The following HAUS1 variants were observed in gnomAD, a reference collection of about 807,000 sequenced individuals.
The protein encoded by HAUS1 is HAUS augmin like complex subunit 1.
HAUS1 carries 25 observed loss-of-function variants against 38.6 expected under a neutral mutation model. The observed-to-expected ratio is 0.65, with a 90% CI of 0.47 to 0.91. HAUS1 has a LOEUF of 0.91. Ranked by LOEUF, HAUS1 falls within the 40% of genes least tolerant of loss-of-function variation. The pLI is 0.00. For synonymous variants in HAUS1, 109 were observed against 112.9 expected (o/e 0.97, Z 0.22); for missense variants, 325 against 328.4 (o/e 0.99, Z 0.08).
intron 2 of HAUS1, among the ~76,000 whole-genome samples, chr18:46,116,093 G>A (rs145375752): frequency 0.011 from 1,722 of 151,286 alleles, 37 homozygotes; most frequent in African/African-American, 0.04. Context: ...GCAACAGAGC[G>A]AGACTGTCTC....
At chr18:46,110,930 G>A (rs1268813280) in intron 2 of HAUS1, among the ~76,000 whole-genome samples, 1 of 142,320 alleles carries the variant, frequency 7.0e-6, no homozygotes, top group African/African-American at 2.6e-5. Context: ...AGGCTGGAGT[G>A]CAGTGGCGCA....
At chr18:46,118,091 A>T in intron 2 of HAUS1, 90 bp from the exon 3 acceptor site, 1 of 1,249,768 alleles carries the variant, frequency 8.0e-7, no homozygotes, top group South Asian at 1.3e-5. Context: ...AGGTGGGTGG[A>T]TTATATGCTA....
chr18:46,123,270 A>G, intron 5 of HAUS1, 29 bp from the exon 6 acceptor site: 1 of 1,495,530 alleles, frequency 6.7e-7, no homozygotes, highest in Non-Finnish European at 9.2e-7. Context: ...ATAATTTTTT[A>G]ACTGAACTCC....
intron 4 of HAUS1, among the ~76,000 whole-genome samples, chr18:46,120,425 G>T (rs1194285080): frequency 2.4e-4 from 37 of 151,700 alleles, no homozygotes; most frequent in Non-Finnish European, 2.9e-5. Flanking sequence ...GTAGAGACGG[G>T]GTTTCTCCAT....
In HAUS1 at chr18:46,122,576, A is replaced by G; in HGVS notation, c.586A>G (p.Ile196Val). 1 of 1,614,154 alleles carries G rather than the reference A, an allele frequency of 6.2e-7. No homozygotes were observed. The highest frequency in any genetic ancestry group is 8.5e-7 in the Non-Finnish European group (1 of 1,180,006). ...KAKSEEFRFG[I>V]KAAEEQLSAR... ...AAAGTCAGAGGAATTCAGATTTGGA[A>G]TCAAGGCTGCAGAGGTTTGTATGAA... The change falls in exon 5 of 9, where the codon ATC becomes GTC. Residue 196 changes from isoleucine to valine, a missense_variant. By Grantham distance (29) the Ile-to-Val change is conservative. Transcript: ENST00000282058.
In HAUS1 at chr18:46,116,095, G is replaced by A. The variant is rs534539148; in HGVS notation, c.206-2086G>A. Reference sequence around the variant, plus strand: ...CACTCCAGCCTGAGCAACAGAGCGAGACTGTCTCAGAAAAAGGGAAGGGAA... The same window carrying A: ...CACTCCAGCCTGAGCAACAGAGCGAAACTGTCTCAGAAAAAGGGAAGGGAA... On this transcript the variant is annotated intron_variant, in intron 2 of 8. Coordinates refer to ENST00000282058, the MANE Select transcript of HAUS1 (RefSeq NM_138443.4). Among the ~76,000 whole-genome samples the A allele has an allele frequency of 3.3e-5, 5 of 150,950 alleles. No homozygotes were observed. In the East Asian group the frequency reaches 9.8e-4, roughly 29 times the overall value.
intron 7 of HAUS1, among the ~76,000 whole-genome samples, 190 bp from the exon 8 acceptor site, chr18:46,125,554 A>G (rs1912078641): frequency 6.6e-6 from 1 of 151,872 alleles, no homozygotes; most frequent in African/African-American, 2.4e-5. Context: ...CTCAAAAAAA[A>G]AAAAAAAAGA....
chr18:46,122,736 A>G, intron 5 of HAUS1, 146 bp downstream of exon 5: 1 of 834,676 alleles, frequency 1.2e-6, no homozygotes, highest in Non-Finnish European at 1.9e-6. Flanking sequence ...TAGCTATTAC[A>G]GTAAGCAGAT....
Position 46,118,243 on chromosome 18 carries a change from A to G in HAUS1, c.268A>G (p.Thr90Ala). The G allele has an allele frequency of 6.2e-7, 1 of 1,612,604 alleles. No individual in the cohort carries two copies. The highest frequency in any genetic ancestry group is 1.1e-5 in the South Asian group (1 of 91,026). Residue 90 changes from threonine (T) to alanine (A), a missense_variant, in exon 3 of 9, where the codon ACT becomes GCT. By Grantham distance (58) the Thr-to-Ala change is moderately conservative. Transcript: ENST00000282058. ...TTTTTCCCCCGCCAATCTCTCTAGC[A>G]CTGGTTCCAGGTATCTGAATGCTTT... ...VNFSPANLSS[T>A]GSRYLNALVD...
At chr18:46,107,516 A>G (rs1281679630) in intron 2 of HAUS1, among the ~76,000 whole-genome samples, 1 of 152,220 alleles carries the variant, frequency 6.6e-6, no homozygotes, top group Non-Finnish European at 1.5e-5. Flanking sequence ...TTGAGATCTG[A>G]TAGCTCTATG....
intron 2 of HAUS1, among the ~76,000 whole-genome samples, chr18:46,114,489 G>A (rs1052558876): frequency 6.6e-6 from 1 of 152,168 alleles, no homozygotes; most frequent in Non-Finnish European, 1.5e-5. Context: ...CTCTTGGCTT[G>A]CCTCTCCTGG....
intron 2 of HAUS1, among the ~76,000 whole-genome samples, chr18:46,110,333 GTTTTTTTTTTTTTTTTT>G (rs71160713): frequency 2.0e-5 from 1 of 49,994 alleles, no homozygotes; most frequent in South Asian, 8.7e-4. Flanking sequence ...TTTTTTTAAG[GTTTTTTTTTTTTTTTTT>G]TTTTTTTTTT....
chr18:46,111,939 G>A (rs1194709691), intron 2 of HAUS1, among the ~76,000 whole-genome samples: 3 of 145,308 alleles, frequency 2.1e-5, no homozygotes, highest in African/African-American at 7.6e-5. Flanking sequence ...AGGCTGGAGC[G>A]CAATGGCACG....
In HAUS1 at chr18:46,120,040, A is replaced by G. The variant is rs956108662; in HGVS notation, c.456A>G (p.Val152=). Residue 152 remains valine (V), a synonymous_variant, in exon 4 of 9, where the codon GTA becomes GTG. Coordinates refer to ENST00000282058, the MANE Select transcript of HAUS1 (RefSeq NM_138443.4). ...AAAAAAATTTAACTGCAACTTTAGT[A>G]TTAGAAAAATGTCTACAAGAGTAAG... ...KLEKNLTATL[V]LEKCLQEDVK... 7 of 1,600,068 alleles carry G rather than the reference A, an allele frequency of 4.4e-6. No homozygotes were observed. Among genetic ancestry groups the G allele is most frequent in the Admixed American group, 1.7e-5 (1 of 58,628 alleles).
intron 4 of HAUS1, among the ~76,000 whole-genome samples, chr18:46,121,885 A>G (rs1336485938): frequency 6.6e-6 from 1 of 152,152 alleles, no homozygotes; most frequent in Non-Finnish European, 1.5e-5. Flanking sequence ...TCTGCCACCC[A>G]CACTGGAGTG....
intron 2 of HAUS1, among the ~76,000 whole-genome samples, chr18:46,113,693 C>T (rs1284099273): frequency 2.0e-5 from 3 of 152,116 alleles, no homozygotes; most frequent in South Asian, 4.1e-4. Context: ...TTTTCTATTA[C>T]AGTTCCTGTC....
intron 8 of HAUS1, among the ~76,000 whole-genome samples, chr18:46,127,034 A>G (rs1164655574): frequency 6.6e-6 from 1 of 151,736 alleles, no homozygotes; most frequent in Admixed American, 6.6e-5. Context: ...GGGTTTTGCT[A>G]TGTTGGCCAG....
At chr18:46,111,718 A>G (rs1911639056) in intron 2 of HAUS1, among the ~76,000 whole-genome samples, 1 of 151,920 alleles carries the variant, frequency 6.6e-6, no homozygotes, top group South Asian at 2.1e-4. Flanking sequence ...TCGGCCTCCC[A>G]AAGTGCTGGG....
intron 7 of HAUS1, 142 bp from the exon 8 acceptor site, chr18:46,125,602 A>G (rs1449219942): frequency 1.8e-6 from 1 of 543,510 alleles, no homozygotes; most frequent in East Asian, 3.1e-5. Context: ...GTTTAAAGTC[A>G]GTGGTAAATT....
Sources: gnomAD v4.1 joint callset for allele counts (sites outside exome capture counted in the v4.1 genomes callset) on GRCh38, gnomAD v4.1.1 for gene constraint, MANE v1.5 for transcripts, NCBI Gene and HGNC (gene_info 2026-07-23, HGNC 2026-07-21) for gene names.